Variants in LAMB4 observed in about 807,000 individuals in gnomAD.
LAMB4 encodes the protein laminin subunit beta-4.
LAMB4 carries 196 observed loss-of-function variants against 199.2 expected under a neutral mutation model. The observed-to-expected ratio is 0.98, with a 90% confidence interval of 0.88 to 1.11. The LOEUF (loss-of-function observed/expected upper bound fraction) is 1.11. LAMB4 is among the 50% of genes least tolerant of loss of function. LAMB4 has a pLI of 0.00. For missense variants in LAMB4, 2,080 were observed against 2,171.2 expected (o/e 0.96, Z 0.83); for synonymous variants, 744 against 770.6 (o/e 0.97, Z 0.57).
chr7:108,013,497 A>G, the LAMB4 span, among the ~76,000 whole-genome samples: 1 of 152,180 alleles, frequency 6.6e-6, no homozygotes, highest in East Asian at 1.9e-4. Flanking sequence ...GTGTTCAGTG[A>G]CTGCTCTCTA....
Position 108,069,766 on chromosome 7 carries a change from C to A in LAMB4, c.2244G>T (p.Pro748=), listed in dbSNP as rs770113679. 6.2e-7 allele frequency: 1 copy of A among 1,613,818 alleles called. No individual in the cohort carries two copies. The highest frequency in any genetic ancestry group is 8.5e-7 in the Non-Finnish European group (1 of 1,179,912). The change falls in exon 18 of 34, where the codon CCG becomes CCT. Residue 748 remains proline, a synonymous_variant. Coordinates refer to ENST00000388781, the MANE Select transcript of LAMB4 (RefSeq NM_007356.3). ...TGATGATCAGCCTTTCACAGGCACC[C>A]GGGAGCACTTGAGGTCCCATTGCTG... ...IASAMGPQVL[P]GACERLIISM... is the part of the protein sequence containing the mutation.
At chr7:108,089,220 T>C (rs1479234345) in intron 14 of LAMB4, among the ~76,000 whole-genome samples, 1 of 152,194 alleles carries the variant, frequency 6.6e-6, no homozygotes, top group Non-Finnish European at 1.5e-5. Flanking sequence ...TCAGTCTCTT[T>C]GAACATGGTG....
intron 14 of LAMB4, among the ~76,000 whole-genome samples, chr7:108,086,169 A>G (rs1432480157): frequency 6.6e-6 from 1 of 152,194 alleles, no homozygotes. Context: ...TGACTGATGC[A>G]GGAACGCAAC....
At chr7:108,094,350 T>C (rs2037518676) in intron 12 of LAMB4, among the ~76,000 whole-genome samples, 1 of 152,200 alleles carries the variant, frequency 6.6e-6, no homozygotes, top group Admixed American at 6.5e-5. Context: ...ACCTTTCTCT[T>C]TAAGGTACAA....
In LAMB4 at chr7:108,066,352, G is replaced by A. The variant is rs1228381896; in HGVS notation, c.2678+17C>T. 6.4e-7 allele frequency: 1 copy of A among 1,573,792 alleles called. No individual in the cohort carries two copies. Among genetic ancestry groups the A allele is most frequent in the East Asian group, 2.2e-5 (1 of 44,690 alleles). ...GTGTTAAAGACCTAAAAATTAAAGT[G>A]CATATGAATTCCATACCTTTCACAG... On this transcript the variant is annotated intron_variant, in intron 20 of 33. Coordinates refer to ENST00000388781, the MANE Select transcript of LAMB4 (RefSeq NM_007356.3).
intron 15 of LAMB4, among the ~76,000 whole-genome samples, chr7:108,078,762 C>A (rs1167094371): frequency 6.6e-6 from 1 of 152,228 alleles, no homozygotes; most frequent in Non-Finnish European, 1.5e-5. Flanking sequence ...GGGCCATATT[C>A]TCTCTACAGA....
intron 4 of LAMB4, among the ~76,000 whole-genome samples, chr7:108,109,501 T>G (rs545084293): frequency 6.6e-6 from 1 of 152,190 alleles, no homozygotes; most frequent in Admixed American, 6.5e-5. Context: ...GTGGCAGCAT[T>G]ACATATGACC....
intron 1 of LAMB4, among the ~76,000 whole-genome samples, chr7:108,125,323 A>G (rs1368320121): frequency 6.6e-6 from 1 of 152,238 alleles, no homozygotes; most frequent in Non-Finnish European, 1.5e-5. Flanking sequence ...CTTCTGATAA[A>G]TGAAATATCT....
At chr7:108,026,400 G>C (rs979822256) in intron 33 of LAMB4, among the ~76,000 whole-genome samples, 9 of 152,118 alleles carry the variant, frequency 5.9e-5, no homozygotes, top group African/African-American at 2.2e-4. Context: ...CAACCAAGCT[G>C]TAAAGCAGCC....
At chr7:108,122,435 C>G (rs1171671326) in intron 2 of LAMB4, among the ~76,000 whole-genome samples, 2 of 152,136 alleles carry the variant, frequency 1.3e-5, no homozygotes, top group African/African-American at 4.8e-5. Flanking sequence ...GAGTGCTTAC[C>G]ATCTGGACTA....
intron 28 of LAMB4, among the ~76,000 whole-genome samples, chr7:108,045,786 G>C (rs1468757694): frequency 1.3e-5 from 2 of 152,356 alleles, no homozygotes; most frequent in African/African-American, 4.8e-5. Context: ...GTGGATATTT[G>C]TTAAAGCAAT....
the LAMB4 span, among the ~76,000 whole-genome samples, chr7:108,018,178 C>G: frequency 1.4e-3 from 215 of 152,362 alleles, no homozygotes; most frequent in African/African-American, 5.0e-3. Flanking sequence ...CAAGTTTAAG[C>G]TGGTTGTTAG....
chr7:108,038,875 C>T (rs566859230), intron 29 of LAMB4, among the ~76,000 whole-genome samples: 1 of 152,270 alleles, frequency 6.6e-6, no homozygotes, highest in Admixed American at 6.5e-5. Context: ...GGATCTTATC[C>T]TCAGGGGGCT....
At chr7:108,094,114 G>T (rs541437393) in intron 12 of LAMB4, among the ~76,000 whole-genome samples, 4 of 152,204 alleles carry the variant, frequency 2.6e-5, no homozygotes, top group East Asian at 1.9e-4. Flanking sequence ...CCCATGGGGG[G>T]GGTCCCTGTT....
At chr7:108,127,579 T>G (rs1285576277) in intron 1 of LAMB4, among the ~76,000 whole-genome samples, 1 of 152,156 alleles carries the variant, frequency 6.6e-6, no homozygotes, top group Non-Finnish European at 1.5e-5. Flanking sequence ...CAGGCAAACT[T>G]ACATGGTTGG....
At chr7:108,085,780 AT>A (rs1214703975) in intron 14 of LAMB4, among the ~76,000 whole-genome samples, 2 of 151,736 alleles carry the variant, frequency 1.3e-5, no homozygotes, top group African/African-American at 2.4e-5. Context: ...CACCCAGCTA[AT>A]TTTTTGTATT....
At chr7:108,042,432 T>A (rs934613886) in intron 29 of LAMB4, among the ~76,000 whole-genome samples, 6 of 151,716 alleles carry the variant, frequency 4.0e-5, no homozygotes, top group Non-Finnish European at 8.8e-5. Flanking sequence ...AAGGAGGTCA[T>A]GTAGACCCTA....
chr7:108,018,057 T>C, the LAMB4 span, among the ~76,000 whole-genome samples: 1 of 152,204 alleles, frequency 6.6e-6, no homozygotes, highest in Non-Finnish European at 1.5e-5. Context: ...TTTAGCAGTT[T>C]GGCAAGGAGT....
intron 25 of LAMB4, among the ~76,000 whole-genome samples, chr7:108,055,208 CAG>C (rs1176589583): frequency 1.7e-4 from 25 of 143,136 alleles, no homozygotes; most frequent in African/African-American, 5.2e-4. Context: ...TTTTTTGAGA[CAG>C]AGTTTCACTC....
Sources: allele counts gnomAD v4.1 joint callset (sites outside exome capture counted in the v4.1 genomes callset), GRCh38; gene constraint gnomAD v4.1.1; transcripts MANE v1.5; gene names NCBI Gene and HGNC (gene_info 2026-07-23, HGNC 2026-07-21).